Variants in GRID2 observed in about 807,000 individuals in gnomAD.
GRID2 encodes glutamate receptor ionotropic, delta-2.
Under a neutral mutation model 114.8 loss-of-function variants are expected in GRID2, and 33 were observed. The observed-to-expected ratio is 0.29, with a 90% CI of 0.22 to 0.38. GRID2 has a LOEUF of 0.38. GRID2 is among the 10% of genes least tolerant of loss of function. GRID2 has a pLI of 1.00. For missense variants in GRID2, 1,184 were observed against 1,257.7 expected, an observed-to-expected ratio of 0.94 and a Z score of 0.89; for synonymous variants, 505 against 449.9, an observed-to-expected ratio of 1.12 and a Z score of -1.55.
At chr4:93,244,232 G>A (rs1747878486) in intron 8 of GRID2, among the ~76,000 whole-genome samples, 1 of 151,824 alleles carries the variant, frequency 6.6e-6, no homozygotes, top group Admixed American at 6.6e-5. Flanking sequence ...ATAAGGCTAG[G>A]AAAAGCTGAT....
intron 8 of GRID2, among the ~76,000 whole-genome samples, chr4:93,307,365 C>A (rs979975776): frequency 5.9e-5 from 9 of 151,888 alleles, no homozygotes; most frequent in African/African-American, 2.2e-4. Flanking sequence ...AAATAAGCAG[C>A]AAATGGCTTT....
At chr4:93,727,490 G>A (rs893923701) in intron 14 of GRID2, among the ~76,000 whole-genome samples, 1 of 152,286 alleles carries the variant, frequency 6.6e-6, no homozygotes, top group East Asian at 1.9e-4. Flanking sequence ...TCAGGATGAT[G>A]CTGGCCTCAT....
At chr4:93,066,879 G>C (rs1174854781) in intron 2 of GRID2, among the ~76,000 whole-genome samples, 1 of 151,910 alleles carries the variant, frequency 6.6e-6, no homozygotes, top group South Asian at 2.1e-4. Flanking sequence ...CTTAATAATG[G>C]AGACAGTCTG....
chr4:92,903,553 C>T (rs1202854814), intron 2 of GRID2, among the ~76,000 whole-genome samples: 1 of 151,854 alleles, frequency 6.6e-6, no homozygotes, highest in Non-Finnish European at 1.5e-5. Flanking sequence ...AATGTCAAGC[C>T]TTAAAAACCA....
intron 1 of GRID2, among the ~76,000 whole-genome samples, chr4:93,786,306 G>A (rs1399674420): frequency 6.6e-6 from 1 of 152,166 alleles, no homozygotes; most frequent in Non-Finnish European, 1.5e-5. Context: ...ATATGGTGAT[G>A]AAGGAGAGGT....
At chr4:93,175,018 C>T (rs1262973301) in intron 4 of GRID2, among the ~76,000 whole-genome samples, 1 of 151,988 alleles carries the variant, frequency 6.6e-6, no homozygotes, top group Non-Finnish European at 1.5e-5. Flanking sequence ...TGGTAAGTGC[C>T]TATTTGATTT....
At chr4:93,711,581 T>C (rs1728481818) in intron 14 of GRID2, among the ~76,000 whole-genome samples, 1 of 152,126 alleles carries the variant, frequency 6.6e-6, no homozygotes. Context: ...ACCAGTGGGA[T>C]GGATGATTCC....
At chr4:92,800,089 ACT>A (rs1169434756) in intron 2 of GRID2, among the ~76,000 whole-genome samples, 3 of 152,058 alleles carry the variant, frequency 2.0e-5, no homozygotes, top group African/African-American at 4.8e-5. Flanking sequence ...TTCAAACAAG[ACT>A]CTGATTAGGT....
At chr4:93,280,521 T>C (rs1752540786) in intron 8 of GRID2, among the ~76,000 whole-genome samples, 1 of 152,034 alleles carries the variant, frequency 6.6e-6, no homozygotes, top group Non-Finnish European at 1.5e-5. Flanking sequence ...TTCCCCAGGA[T>C]ATAATGCCTT....
intron 4 of GRID2, among the ~76,000 whole-genome samples, chr4:93,152,673 C>T (rs557593401): frequency 1.2e-3 from 180 of 152,178 alleles, no homozygotes; most frequent in African/African-American, 4.0e-3. Context: ...GTGATAGTAA[C>T]AGATTAAGAA....
chr4:92,921,803 C>T (rs1749365270), intron 2 of GRID2, among the ~76,000 whole-genome samples: 1 of 152,210 alleles, frequency 6.6e-6, no homozygotes, highest in Non-Finnish European at 1.5e-5. Flanking sequence ...CAGGGACCCA[C>T]TTGAGGAGGC....
In GRID2 at chr4:92,612,836, G is replaced by T. The variant is rs566696963; in HGVS notation, c.244+22550G>T. On this transcript the variant is annotated intron_variant, in intron 2 of 15. Transcript: ENST00000282020. ...TGTTAAAGTTTTTGTGGATCTGTCA[G>T]GATTTTCTGCAAGTAGGATCATGTT... 2.6e-5 allele frequency among the ~76,000 whole-genome samples: 4 copies of T among 151,352 alleles called. No individual in the cohort carries two copies. The South Asian group carries it at 8.3e-4, about 31-fold the overall frequency.
At chr4:92,514,862 G>T (rs897873374) in intron 1 of GRID2, among the ~76,000 whole-genome samples, 1 of 151,858 alleles carries the variant, frequency 6.6e-6, no homozygotes, top group African/African-American at 2.4e-5. Context: ...CCCCATGCCT[G>T]CAGCCATGCT....
chr4:93,052,393 G>T (rs1289230191), intron 2 of GRID2, among the ~76,000 whole-genome samples: 1 of 151,848 alleles, frequency 6.6e-6, no homozygotes, highest in African/African-American at 2.4e-5. Context: ...TGATTTTGTA[G>T]TTGTAGGAAC....
At chr4:93,575,584 A>G (rs73839597) in intron 13 of GRID2, among the ~76,000 whole-genome samples, 3,314 of 152,234 alleles carry the variant, frequency 0.022, 108 homozygotes, top group African/African-American at 0.075. Context: ...CAAAATGAGG[A>G]TAATAATGGT....
At chr4:92,873,434 A>G (rs1301065872) in intron 2 of GRID2, among the ~76,000 whole-genome samples, 1 of 152,050 alleles carries the variant, frequency 6.6e-6, no homozygotes. Context: ...GATTATATGT[A>G]TTTTCAAAAA....
chr4:93,613,268 T>TAGGGA (rs1377543166), intron 13 of GRID2, among the ~76,000 whole-genome samples: 1 of 139,982 alleles, frequency 7.1e-6, no homozygotes, highest in Non-Finnish European at 1.6e-5. Context: ...TGTCCTCCCG[T>TAGGGA]AGCTCAGAGT....
chr4:92,982,670 C>A (rs1427693151), intron 2 of GRID2, among the ~76,000 whole-genome samples: 1 of 151,998 alleles, frequency 6.6e-6, no homozygotes, highest in African/African-American at 2.4e-5. Flanking sequence ...ATTTGATTCC[C>A]CACATTGCCT....
At chr4:93,450,098 A>T (rs1398051476) in intron 10 of GRID2, among the ~76,000 whole-genome samples, 2 of 151,944 alleles carry the variant, frequency 1.3e-5, no homozygotes, top group Non-Finnish European at 2.9e-5. Context: ...AATTTTATTT[A>T]AAAAGTGTAT....
Sources: gnomAD v4.1 joint callset for allele counts (sites outside exome capture counted in the v4.1 genomes callset) on GRCh38, gnomAD v4.1.1 for gene constraint, MANE v1.5 for transcripts, NCBI Gene and HGNC (gene_info 2026-07-23, HGNC 2026-07-21) for gene names.